Variants in RABGAP1L observed in about 807,000 individuals in gnomAD.
RABGAP1L encodes the protein rab GTPase-activating protein 1-like.
RABGAP1L carries 63 observed loss-of-function variants against 137.7 expected under a neutral mutation model. That is an observed-to-expected ratio of 0.46 (90% CI 0.37 to 0.56). The LOEUF is 0.56. Among genes scored for constraint, RABGAP1L ranks in the 20% least tolerant of loss-of-function variants. RABGAP1L has a pLI of 0.00. For missense variants in RABGAP1L, 1,095 were observed against 1,244.0 expected (o/e 0.88, Z 1.80); for synonymous variants, 431 against 433.7 (o/e 0.99, Z 0.08).
intron 13 of RABGAP1L, among the ~76,000 whole-genome samples, chr1:174,442,420 T>G (rs923642341): frequency 6.6e-6 from 1 of 152,096 alleles, no homozygotes; most frequent in Non-Finnish European, 1.5e-5. Context: ...AACGTCTCAT[T>G]TCTGGTAATG....
chr1:174,834,503 C>T (rs749981909), intron 19 of RABGAP1L, among the ~76,000 whole-genome samples: 1 of 151,700 alleles, frequency 6.6e-6, no homozygotes, highest in Non-Finnish European at 1.5e-5. Flanking sequence ...TGGCCAAAAC[C>T]ATGGGCTTTA....
At chr1:174,759,607 A>G (rs1372774227) in intron 18 of RABGAP1L, among the ~76,000 whole-genome samples, 1 of 152,016 alleles carries the variant, frequency 6.6e-6, no homozygotes, top group Non-Finnish European at 1.5e-5. Context: ...AAAAAAAAAA[A>G]AGAAAAAAAA....
At chr1:174,565,519 T>C (rs1348735074) in intron 13 of RABGAP1L, among the ~76,000 whole-genome samples, 2 of 152,206 alleles carry the variant, frequency 1.3e-5, no homozygotes, top group Non-Finnish European at 2.9e-5. Flanking sequence ...GTCTGTAGCT[T>C]ATCTTGGCTT....
At chr1:174,228,461 T>G (rs1459113226) in intron 3 of RABGAP1L, among the ~76,000 whole-genome samples, 1 of 152,150 alleles carries the variant, frequency 6.6e-6, no homozygotes, top group Non-Finnish European at 1.5e-5. Context: ...GCTGCATAAG[T>G]GCTTGTTACA....
chr1:174,745,787 C>CA (rs1368392373), intron 17 of RABGAP1L, among the ~76,000 whole-genome samples: 1 of 152,168 alleles, frequency 6.6e-6, no homozygotes. Flanking sequence ...TATGCTATCT[C>CA]ATTTAGTCAT....
intron 18 of RABGAP1L, among the ~76,000 whole-genome samples, chr1:174,772,340 G>A (rs1686180246): frequency 6.6e-6 from 1 of 151,962 alleles, no homozygotes. Context: ...CACTTTGGGA[G>A]GCCAAGGTGG....
intron 14 of RABGAP1L, among the ~76,000 whole-genome samples, chr1:174,662,102 C>CTTTTTTTTTTTT (rs749496325): frequency 5.5e-5 from 5 of 90,270 alleles, no homozygotes; most frequent in African/African-American, 1.2e-4. Context: ...CTTTTCTTTT[C>CTTTTTTTTTTTT]TTTTTTTTTT....
At chr1:174,588,930 C>G (rs1669338493) in intron 13 of RABGAP1L, among the ~76,000 whole-genome samples, 1 of 152,276 alleles carries the variant, frequency 6.6e-6, no homozygotes, top group South Asian at 2.1e-4. Context: ...GATATCTCTT[C>G]AACATAGTGA....
At chr1:174,474,599 A>G (rs1658295656) in intron 13 of RABGAP1L, among the ~76,000 whole-genome samples, 1 of 151,236 alleles carries the variant, frequency 6.6e-6, no homozygotes, top group Non-Finnish European at 1.5e-5. Context: ...GATGATGATT[A>G]TTATTATTAT....
At chr1:174,505,778 T>A (rs376381781) in intron 13 of RABGAP1L, among the ~76,000 whole-genome samples, 18 of 152,200 alleles carry the variant, frequency 1.2e-4, no homozygotes, top group African/African-American at 4.3e-4. Context: ...CACCATAGGA[T>A]CCAGTAATCC....
intron 14 of RABGAP1L, among the ~76,000 whole-genome samples, chr1:174,660,478 C>T (rs1557960252): frequency 6.6e-6 from 1 of 152,174 alleles, no homozygotes; most frequent in East Asian, 1.9e-4. Context: ...TAGCCAGAAT[C>T]TTATTATTTC....
chr1:174,707,209 G>A (rs918264210), intron 17 of RABGAP1L, among the ~76,000 whole-genome samples: 1 of 123,708 alleles, frequency 8.1e-6, no homozygotes, highest in Non-Finnish European at 1.7e-5. Flanking sequence ...TCAAGGGCAA[G>A]GTTTTGTTCT....
In RABGAP1L at chr1:174,793,660, A is replaced by G. The variant is rs73028359; in HGVS notation, c.2212-18172A>G. ...AAAGCAGCATCTGATCTGTCTTTCT[A>G]TATCCAGAAGCATATAGTACAGTGT... is the stretch of plus-strand genomic sequence containing the variant. On this transcript the variant is annotated intron_variant, in intron 18 of 25. Transcript: ENST00000681986. 5.3e-3 allele frequency among the ~76,000 whole-genome samples: 808 copies of G among 152,252 alleles called. 9 individuals carry two copies. Among genetic ancestry groups the G allele is most frequent in the African/African-American group, 0.018 (763 of 41,554 alleles).
intron 14 of RABGAP1L, among the ~76,000 whole-genome samples, chr1:174,650,214 T>C (rs1252703041): frequency 6.6e-6 from 1 of 152,208 alleles, no homozygotes; most frequent in Non-Finnish European, 1.5e-5. Context: ...AGCTTTTTGA[T>C]GTGCCACTTG....
At chr1:174,770,922 T>A (rs980985421) in intron 18 of RABGAP1L, among the ~76,000 whole-genome samples, 2 of 152,230 alleles carry the variant, frequency 1.3e-5, no homozygotes, top group Non-Finnish European at 2.9e-5. Context: ...CCTGAAGTTG[T>A]CACATCTAAT....
chr1:174,981,619 G>T (rs1210043206), intron 23 of RABGAP1L, among the ~76,000 whole-genome samples: 1 of 117,598 alleles, frequency 8.5e-6, no homozygotes, highest in African/African-American at 3.4e-5. Flanking sequence ...AGGCTGGAAT[G>T]CAGTGGTCTG....
At chr1:174,517,791 A>T (rs1215276612) in intron 13 of RABGAP1L, among the ~76,000 whole-genome samples, 1 of 152,158 alleles carries the variant, frequency 6.6e-6, no homozygotes, top group African/African-American at 2.4e-5. Flanking sequence ...TTATACCTTT[A>T]CACAGTTGAT....
At chr1:174,672,281 C>CTTTTTTTT (rs1256381168) in intron 14 of RABGAP1L, among the ~76,000 whole-genome samples, 3 of 118,366 alleles carry the variant, frequency 2.5e-5, no homozygotes, top group African/African-American at 6.7e-5. Flanking sequence ...TTTTTCCTTT[C>CTTTTTTTT]TTTTTTTTTT....
intron 12 of RABGAP1L, among the ~76,000 whole-genome samples, chr1:174,371,933 C>A (rs1198030528): frequency 6.6e-6 from 1 of 152,162 alleles, no homozygotes; most frequent in Non-Finnish European, 1.5e-5. Context: ...TATGTATTTA[C>A]AGTTCCAACG....
Sources: allele counts gnomAD v4.1 joint callset (sites outside exome capture counted in the v4.1 genomes callset), GRCh38; gene constraint gnomAD v4.1.1; transcripts MANE v1.5; gene names NCBI Gene and HGNC (gene_info 2026-07-23, HGNC 2026-07-21).